Variants in KIF26B observed in about 807,000 individuals in gnomAD.
KIF26B encodes kinesin family member 26B.
Under a neutral mutation model 151.2 loss-of-function variants are expected in KIF26B, and 63 were observed. The ratio of observed to expected loss-of-function variants is 0.42; its 90% CI spans 0.34 to 0.51. KIF26B has a LOEUF of 0.51. KIF26B is among the 20% of genes least tolerant of loss of function. The pLI is 0.07. For missense variants in KIF26B, 2,813 were observed against 2,913.6 expected (o/e 0.97, Z 0.79); for synonymous variants, 1,357 against 1,262.1 (o/e 1.08, Z -1.59).
At chr1:245,339,696 G>A (rs1214384251) in intron 2 of KIF26B, among the ~76,000 whole-genome samples, 1 of 152,136 alleles carries the variant, frequency 6.6e-6, no homozygotes, top group Non-Finnish European at 1.5e-5. Context: ...TTTTCACCTT[G>A]TTTTAAATAT....
intron 4 of KIF26B, among the ~76,000 whole-genome samples, chr1:245,539,629 T>A (rs1379669719): frequency 6.6e-6 from 1 of 152,180 alleles, no homozygotes; most frequent in Non-Finnish European, 1.5e-5. Context: ...TCTTCTTCTT[T>A]TCTGTGATAA....
At chr1:245,397,292 C>T (rs989037351) in intron 3 of KIF26B, among the ~76,000 whole-genome samples, 10 of 151,722 alleles carry the variant, frequency 6.6e-5, no homozygotes, top group East Asian at 3.9e-4. Flanking sequence ...CCCAGTTTAC[C>T]GCATCCTCCA....
intron 4 of KIF26B, among the ~76,000 whole-genome samples, chr1:245,533,889 G>A (rs933773669): frequency 1.3e-5 from 2 of 152,174 alleles, no homozygotes; most frequent in Non-Finnish European, 2.9e-5. Context: ...CACCAGATGA[G>A]TGTGGACCTC....
chr1:245,353,184 G>A (rs1237511380), intron 2 of KIF26B, among the ~76,000 whole-genome samples: 1 of 152,098 alleles, frequency 6.6e-6, no homozygotes. Flanking sequence ...CAAACTCTAG[G>A]CTCCTGTGTG....
chr1:245,581,908 C>T (rs2043177774), intron 5 of KIF26B, among the ~76,000 whole-genome samples: 1 of 108,040 alleles, frequency 9.3e-6, no homozygotes, highest in Admixed American at 9.2e-5. Flanking sequence ...CAGAGAGAGA[C>T]CCTGTCAAAG....
rs1272562653 is a variant in KIF26B at position 245,170,489 on chromosome 1, G to T, written c.465+13806G>T. 6.6e-6 allele frequency among the ~76,000 whole-genome samples: 1 copy of T among 152,206 alleles called. No individual in the cohort carries two copies. Among genetic ancestry groups the T allele is most frequent in the Non-Finnish European group, 1.5e-5 (1 of 68,038 alleles). ...CCAAACATAGAGGGCAAATGTCTTA[G>T]CCAATTCATGCTGCTATAACAAAAT... On this transcript the variant is annotated intron_variant, in intron 2 of 14. Transcript: ENST00000407071. The surrounding 1 kb of genome is among the most constrained non-coding windows in gnomAD (Gnocchi z 4.4).
At chr1:245,577,751 A>C (rs1278329102) in intron 5 of KIF26B, among the ~76,000 whole-genome samples, 1 of 111,590 alleles carries the variant, frequency 9.0e-6, no homozygotes, top group Non-Finnish European at 1.9e-5. Flanking sequence ...GCATCTCCTC[A>C]CCGGAAGAGC....
intron 5 of KIF26B, among the ~76,000 whole-genome samples, chr1:245,554,614 C>T (rs1201156589): frequency 2.2e-5 from 3 of 133,748 alleles, no homozygotes; most frequent in African/African-American, 7.8e-5. Context: ...CTCCGGCTTA[C>T]CATGGCAGAT....
At position 245,354,856 on chromosome 1, in the gene KIF26B, C is replaced by T. The variant is rs191017308; in HGVS notation, c.466-11978C>T. Among the ~76,000 whole-genome samples the T allele has an allele frequency of 1.4e-3, 219 of 152,334 alleles. 1 individual carries two copies. The highest frequency in any genetic ancestry group is 5.1e-3 in the African/African-American group (212 of 41,578). ...GGTGAGAAGGAATCAGAGGAGAGCA[C>T]CTAGGCCCGGGTGTCAACCTTGACC... is the stretch of plus-strand genomic sequence containing the variant. On this transcript the variant is annotated intron_variant, in intron 2 of 14. Coordinates refer to ENST00000407071, the MANE Select transcript of KIF26B (RefSeq NM_018012.4).
Position 245,167,809 on chromosome 1 carries a change from G to A in KIF26B, c.465+11126G>A, listed in dbSNP as rs1018473300. Among the ~76,000 whole-genome samples, 2 of 152,094 alleles carry A rather than the reference G, an allele frequency of 1.3e-5. No homozygotes were observed. The highest frequency in any genetic ancestry group is 2.4e-5 in the African/African-American group (1 of 41,404). On this transcript the variant is annotated intron_variant, in intron 2 of 14. Coordinates refer to ENST00000407071, the MANE Select transcript of KIF26B (RefSeq NM_018012.4). This position sits in a 1 kb window ranked among gnomAD's most constrained non-coding sequence, Gnocchi z 4.2. ...GGTGTCCTTTACCAAGACAGGCAGC[G>A]TGGTGATGGGGGCTGAGGGATAGAT...
intron 2 of KIF26B, among the ~76,000 whole-genome samples, chr1:245,336,218 G>A (rs1351372889): frequency 6.6e-6 from 1 of 152,260 alleles, no homozygotes; most frequent in Non-Finnish European, 1.5e-5. Flanking sequence ...ACTCTGCATA[G>A]CCGCTGGGCT....
intron 12 of KIF26B, among the ~76,000 whole-genome samples, chr1:245,689,105 G>A (rs751039677): frequency 6.6e-6 from 1 of 152,224 alleles, no homozygotes; most frequent in East Asian, 1.9e-4. Context: ...ATCAGGCTTA[G>A]GGCCGTGAAT....
intron 4 of KIF26B, among the ~76,000 whole-genome samples, chr1:245,483,516 G>A (rs994094293): frequency 6.6e-6 from 1 of 151,858 alleles, no homozygotes; most frequent in African/African-American, 2.4e-5. Flanking sequence ...GCTGGTGTTG[G>A]GGGAGCGGGG....
chr1:245,392,074 A>G (rs1279491936), intron 3 of KIF26B, among the ~76,000 whole-genome samples: 2 of 151,990 alleles, frequency 1.3e-5, no homozygotes, highest in African/African-American at 4.8e-5. Context: ...AAAAAAAAAA[A>G]AGATAAAAAA....
chr1:245,486,769 C>T (rs1660289895), intron 4 of KIF26B, among the ~76,000 whole-genome samples: 1 of 152,148 alleles, frequency 6.6e-6, no homozygotes, highest in Admixed American at 6.5e-5. Flanking sequence ...CTCCCAGGCT[C>T]AAGCCATCCT....
chr1:245,546,866 T>C (rs1355337376), intron 5 of KIF26B, among the ~76,000 whole-genome samples: 2 of 152,262 alleles, frequency 1.3e-5, no homozygotes, highest in East Asian at 1.9e-4. Flanking sequence ...TTAAACTCCA[T>C]AGTTAAGCTT....
chr1:245,174,065 A>G (rs1430948417), intron 2 of KIF26B, among the ~76,000 whole-genome samples: 3 of 152,246 alleles, frequency 2.0e-5, no homozygotes, highest in African/African-American at 4.8e-5. Flanking sequence ...TTACTGATAC[A>G]TTACTATAAT....
At chr1:245,517,341 T>C (rs1405051752) in intron 4 of KIF26B, among the ~76,000 whole-genome samples, 2 of 148,632 alleles carry the variant, frequency 1.3e-5, no homozygotes, top group Non-Finnish European at 3.0e-5. Context: ...GGTGAGAGAG[T>C]GAGACTCTGT....
Position 245,602,797 on chromosome 1 carries a change from C to T in KIF26B, c.1557+14C>T, listed in dbSNP as rs966135233. 1 of 1,611,664 alleles carries T rather than the reference C, an allele frequency of 6.2e-7. No individual in the cohort carries two copies. Among genetic ancestry groups the T allele is most frequent in the Non-Finnish European group, 8.5e-7 (1 of 1,178,938 alleles). On this transcript the variant is annotated intron_variant, in intron 6 of 14. Transcript: ENST00000407071. This position sits in a 1 kb window ranked among gnomAD's most constrained non-coding sequence, Gnocchi z 4.5. Reference sequence around the variant, plus strand: ...GACGCTTCTCAGGTGGGTATCAGCCCCCTCTCAGGCTCAGGCAACGTTGAT... The same window carrying T: ...GACGCTTCTCAGGTGGGTATCAGCCTCCTCTCAGGCTCAGGCAACGTTGAT...
Sources: gnomAD v4.1 joint callset for allele counts (sites outside exome capture counted in the v4.1 genomes callset) on GRCh38, gnomAD v4.1.1 for gene constraint, Gnocchi (gnomAD v3.1) non-coding constraint, MANE v1.5 for transcripts, NCBI Gene and HGNC (gene_info 2026-07-23, HGNC 2026-07-21) for gene names.